Variants in RRBP1 observed in about 807,000 individuals in gnomAD.
RRBP1 encodes the protein ribosome-binding protein 1.
Under a neutral mutation model 165.2 loss-of-function variants are expected in RRBP1, and 94 were observed. The observed-to-expected ratio is 0.57, with a 90% CI of 0.48 to 0.68. The LOEUF is 0.68. Ranked by LOEUF, RRBP1 falls within the 30% of genes least tolerant of loss-of-function variation. RRBP1 has a pLI of 0.00. For missense variants in RRBP1, 1,676 were observed against 1,763.0 expected, an observed-to-expected ratio of 0.95 and a Z score of 0.88; for synonymous variants, 680 against 714.5, an observed-to-expected ratio of 0.95 and a Z score of 0.77.
At chr20:17,654,151 C>T (rs2036607081) in intron 3 of RRBP1, among the ~76,000 whole-genome samples, 1 of 152,188 alleles carries the variant, frequency 6.6e-6, no homozygotes, top group Non-Finnish European at 1.5e-5. Flanking sequence ...AACATAGACT[C>T]GACCTCCTCA....
intron 6 of RRBP1, 103 bp from the exon 7 acceptor site, chr20:17,635,767 C>G: frequency 2.4e-6 from 2 of 831,452 alleles, no homozygotes; most frequent in Non-Finnish European, 3.9e-6. Flanking sequence ...AAGAAAACCC[C>G]CAAAAGCCTC....
intron 19 of RRBP1, 153 bp from the exon 20 acceptor site, chr20:17,618,832 C>T (rs945827388): frequency 7.8e-6 from 5 of 639,510 alleles, no homozygotes; most frequent in East Asian, 2.7e-5. Context: ...CAGGGCTCGC[C>T]AGGCTTCCTA....
Position 17,660,152 on chromosome 20 carries a change from G to A in RRBP1, c.356C>T (p.Ala119Val), listed in dbSNP as rs1055448844. ...PTPVQPPIIV[A>V]PVATVPAMPQ... ...CATGGCTGGAACTGTGGCGACAGGA[G>A]CAACGATAATGGGGGGCTGCACTGG... Residue 119 changes from alanine (A) to valine (V), a missense_variant, in exon 3 of 25, where the codon GCT (alanine) becomes GTT (valine). Coordinates refer to ENST00000377813, the MANE Select transcript of RRBP1 (RefSeq NM_001365613.2). 1.2e-6 allele frequency: 2 copies of A among 1,614,066 alleles called. No homozygotes were observed. Among genetic ancestry groups the A allele is most frequent in the African/African-American group, 1.3e-5 (1 of 74,930 alleles).
At chr20:17,620,614 C>T (rs769775278) in intron 17 of RRBP1, 101 bp downstream of exon 17, 66 of 931,666 alleles carry the variant, frequency 7.1e-5, no homozygotes, top group South Asian at 1.4e-4. Flanking sequence ...AAAGCCCCAC[C>T]GAGACACACG....
rs2036709257 is a variant in RRBP1 at position 17,659,303 on chromosome 20, G to A, written c.1205C>T (p.Ala402Val). The change falls in exon 3 of 25, where the codon GCT (alanine) becomes GTT (valine). Residue 402 changes from alanine (A) to valine (V), a missense_variant. This residue lies in a region of RRBP1 where 78 missense variants were observed against 115.6 expected (regional missense o/e 0.67). Transcript: ENST00000377813. ...TTTGCCCTGGTTCTGGGCACCCTCA[G>A]CCTTCTTGCCCTGGTTCTGGGCCCC... is the stretch of plus-strand genomic sequence containing the variant. ...VEGAQNQGKK[A>V]EGAQNQGKKA... 2.6e-6 allele frequency: 4 copies of A among 1,532,012 alleles called. No homozygotes were observed. The highest frequency in any genetic ancestry group is 1.5e-5 in the African/African-American group (1 of 66,482). The allele number at this position is 1,532,012 out of a possible 1,614,324, so 94.9% of individuals were successfully genotyped here. A position where few individuals can be genotyped will look rare whatever the true frequency, so the allele number is the denominator to read the frequency against.
At chr20:17,657,163 T>C (rs1176655135) in intron 3 of RRBP1, among the ~76,000 whole-genome samples, 5 of 152,202 alleles carry the variant, frequency 3.3e-5, no homozygotes, top group African/African-American at 1.2e-4. Flanking sequence ...GAACATCATG[T>C]TAAAGAAAGG....
rs550727536 is a variant in RRBP1, at chr20:17,615,473, G to A, written c.4008C>T (p.Gly1336=). The A allele has an allele frequency of 8.7e-6, 14 of 1,608,234 alleles. No homozygotes were observed. The highest frequency in any genetic ancestry group is 2.2e-5 in the South Asian group (2 of 90,016). The change falls in exon 23 of 25, where the codon GGC becomes GGT. Residue 1336 remains glycine (G), a synonymous_variant. Transcript: ENST00000377813. The part of the protein sequence containing the change: ...QEELEKLRTA[G]PLESSETEEA... ...CCTCTGTTTCTGAAGACTCTAGGGGGCCGGCTGTGCGGAGCTTCTCCAATT... is the reference window on the plus strand; with the variant it reads ...CCTCTGTTTCTGAAGACTCTAGGGGACCGGCTGTGCGGAGCTTCTCCAATT...
intron 20 of RRBP1, among the ~76,000 whole-genome samples, chr20:17,617,608 G>A (rs1177903510): frequency 1.3e-5 from 2 of 152,182 alleles, no homozygotes; most frequent in Admixed American, 6.5e-5. Context: ...CCATGCCCCC[G>A]GGGCCTGTCA....
At chr20:17,619,436 T>G in intron 19 of RRBP1, 197 bp downstream of exon 19, 2 of 466,630 alleles carry the variant, frequency 4.3e-6, no homozygotes, top group Non-Finnish European at 3.8e-6. Flanking sequence ...AGGCTGCCTT[T>G]TTGAAACCTG....
intron 2 of RRBP1, among the ~76,000 whole-genome samples, chr20:17,676,018 G>A (rs1445229382): frequency 2.0e-5 from 3 of 152,188 alleles, no homozygotes; most frequent in Non-Finnish European, 2.9e-5. Flanking sequence ...GACTAGCCTG[G>A]GCAACGTGGC....
chr20:17,634,465 C>T (rs1025681488), intron 7 of RRBP1, among the ~76,000 whole-genome samples: 1 of 152,200 alleles, frequency 6.6e-6, no homozygotes, highest in Non-Finnish European at 1.5e-5. Flanking sequence ...CCATGCTTCA[C>T]AAGGCCAAGG....
chr20:17,660,503 T>A lies in RRBP1; in HGVS notation c.5A>T (p.Asp2Val), dbSNP rs764261755. 1 of 1,611,870 alleles carries A rather than the reference T, an allele frequency of 6.2e-7. No individual in the cohort carries two copies. The highest frequency in any genetic ancestry group is 1.3e-5 in the African/African-American group (1 of 74,894). Reference protein sequence around the residue: MDIYDTQTLGVV... With the variant: MVIYDTQTLGVV... ...CCCCAAGGTTTGAGTGTCGTAAATA[T>A]CCATCCTGGCTTGCTTTCCTTTCAC... The change falls in exon 3 of 25, where the codon GAT (aspartate) becomes GTT (valine). Residue 2 changes from aspartate to valine, a missense_variant. By Grantham distance (152) the Asp-to-Val change is radical. Transcript: ENST00000377813.
chr20:17,647,849 A>G (rs1393046774), intron 3 of RRBP1, among the ~76,000 whole-genome samples: 2 of 152,340 alleles, frequency 1.3e-5, no homozygotes, highest in East Asian at 3.9e-4. Context: ...GGGTGACTCC[A>G]GACAGTGCAG....
chr20:17,659,725 C>G lies in RRBP1; in HGVS notation c.783G>C (p.Lys261Asn). The G allele has an allele frequency of 6.4e-7, 1 of 1,550,616 alleles. No homozygotes were observed. Among genetic ancestry groups the G allele is most frequent in the Non-Finnish European group, 8.7e-7 (1 of 1,146,996 alleles). The change falls in exon 3 of 25, where the codon AAG (lysine) becomes AAC (asparagine). Residue 261 changes from lysine (K) to asparagine (N), a missense_variant. Physicochemically the swap from Lys to Asn is moderately conservative, Grantham distance 94 (BLOSUM62 0). Transcript: ENST00000377813. ...TACCCTGGTTCTGGGCCCCCTCCGC[C>G]TTTTTGCCTTGGTTTGGGGTTCCTT... ...KAEGTPNQGK[K>N]AEGAQNQGKK...
rs754895827 is a variant in RRBP1 at position 17,659,949 on chromosome 20, C to T, written c.559G>A (p.Ala187Thr). 1 of 1,594,216 alleles carries T rather than the reference C, an allele frequency of 6.3e-7. No homozygotes were observed. Among genetic ancestry groups the T allele is most frequent in the Non-Finnish European group, 8.5e-7 (1 of 1,169,654 alleles). Residue 187 changes from alanine (A) to threonine (T), a missense_variant, in exon 3 of 25, where the codon GCC becomes ACC. By Grantham distance (58) the Ala-to-Thr change is moderately conservative. Around this residue, in one of 5 missense-constraint regions of RRBP1, gnomAD observed 392 missense variants for 382.5 expected, o/e 1.02. Transcript: ENST00000377813. ...CCAGTGGCTGGTGTGTTGCCCTTGG[C>T]ACCCACTGGGGGCACCACCACCATC... ...VPMVVVPPVG[A>T]KGNTPATGTT...
At chr20:17,655,770 A>G (rs1195099988) in intron 3 of RRBP1, among the ~76,000 whole-genome samples, 1 of 152,282 alleles carries the variant, frequency 6.6e-6, no homozygotes, top group Non-Finnish European at 1.5e-5. Context: ...TTACAATGCC[A>G]GCATTTAAAA....
At chr20:17,667,173 A>G (rs1487708678) in intron 2 of RRBP1, among the ~76,000 whole-genome samples, 1 of 152,188 alleles carries the variant, frequency 6.6e-6, no homozygotes, top group African/African-American at 2.4e-5. Context: ...GTTTGTGTAC[A>G]GGTAGGGTTT....
chr20:17,662,314 C>T (rs1043951523), intron 2 of RRBP1, among the ~76,000 whole-genome samples: 1 of 151,988 alleles, frequency 6.6e-6, no homozygotes, highest in African/African-American at 2.4e-5. Flanking sequence ...AGAAGGAACA[C>T]ATTACTTTGA....
intron 2 of RRBP1, among the ~76,000 whole-genome samples, chr20:17,666,899 G>A (rs1034790450): frequency 2.6e-5 from 4 of 151,796 alleles, no homozygotes; most frequent in African/African-American, 9.7e-5. Flanking sequence ...TTAATCTGAA[G>A]TATGTGGAAT....
Sources: allele counts gnomAD v4.1 joint callset (sites outside exome capture counted in the v4.1 genomes callset), GRCh38; gene constraint gnomAD v4.1.1; regional missense constraint gnomAD v4.1.1; transcripts MANE v1.5; gene names NCBI Gene and HGNC (gene_info 2026-07-23, HGNC 2026-07-21).